Variants in SEC11C observed in about 807,000 individuals in gnomAD.
SEC11C encodes the protein signal peptidase complex catalytic subunit SEC11C.
Under a neutral mutation model 21.9 loss-of-function variants are expected in SEC11C, and 10 were observed. That is an observed-to-expected ratio of 0.46 (90% CI 0.28 to 0.77). The LOEUF is 0.77. SEC11C is among the 30% of genes least tolerant of loss of function. SEC11C has a pLI of 0.12. For synonymous variants in SEC11C, 83 were observed against 85.6 expected (o/e 0.97, Z 0.17); for missense variants, 145 against 244.5 (o/e 0.59, Z 2.71).
At chr18:59,157,694 T>A in intron 5 of SEC11C, 29 bp downstream of exon 5, 1 of 1,451,632 alleles carries the variant, frequency 6.9e-7, no homozygotes, top group Non-Finnish European at 9.7e-7. Flanking sequence ...CTATATTTAT[T>A]TACTTCGTTA....
At chr18:59,157,686 A>G (rs200840196) in intron 5 of SEC11C, 21 bp downstream of exon 5, 418 of 1,503,194 alleles carry the variant, frequency 2.8e-4, no homozygotes, top group Non-Finnish European at 3.6e-4. Context: ...ATGTGTGTCT[A>G]TATTTATTTA....
chr18:59,151,288 G>T (rs2069349683), intron 2 of SEC11C, among the ~76,000 whole-genome samples: 1 of 150,638 alleles, frequency 6.6e-6, no homozygotes. Flanking sequence ...TAAGGATGAA[G>T]CCACAGATGA....
intron 1 of SEC11C, among the ~76,000 whole-genome samples, chr18:59,148,510 G>A (rs1432840992): frequency 1.3e-5 from 2 of 152,220 alleles, no homozygotes; most frequent in Non-Finnish European, 2.9e-5. Flanking sequence ...AAGCCCAGTG[G>A]GTCTAAACGC....
chr18:59,152,323 G>C (rs548257137), intron 2 of SEC11C, among the ~76,000 whole-genome samples: 2 of 152,204 alleles, frequency 1.3e-5, no homozygotes, highest in South Asian at 4.1e-4. Flanking sequence ...AAACTGCAGA[G>C]GGTCCTGTCA....
chr18:59,140,579 A>G (rs2069198312), intron 1 of SEC11C, among the ~76,000 whole-genome samples: 1 of 152,198 alleles, frequency 6.6e-6, no homozygotes, highest in South Asian at 2.1e-4. Flanking sequence ...CCTTGTGCCT[A>G]GAGAGCTCAC....
chr18:59,157,426 G>A (rs959263776), intron 4 of SEC11C, 182 bp from the exon 5 acceptor site: 2 of 507,462 alleles, frequency 3.9e-6, no homozygotes, highest in Non-Finnish European at 7.0e-6. Flanking sequence ...CTGGCTGCCA[G>A]TGCTGATGCT....
At chr18:59,151,840 A>G (rs554369552) in intron 2 of SEC11C, among the ~76,000 whole-genome samples, 1 of 152,310 alleles carries the variant, frequency 6.6e-6, no homozygotes, top group Admixed American at 6.5e-5. Flanking sequence ...ACATATAATG[A>G]ATTTTTAAAA....
intron 1 of SEC11C, among the ~76,000 whole-genome samples, chr18:59,144,219 T>A (rs973273385): frequency 2.6e-5 from 4 of 152,214 alleles, no homozygotes; most frequent in African/African-American, 9.6e-5. Context: ...ATTATTAGAA[T>A]TAAGACTGTA....
chr18:59,142,482 C>T (rs371842667), intron 1 of SEC11C, among the ~76,000 whole-genome samples: 245 of 152,246 alleles, frequency 1.6e-3, no homozygotes, highest in African/African-American at 5.6e-3. Flanking sequence ...CATAATGAAA[C>T]AGCGGTTATT....
At chr18:59,153,816 C>T (rs2069387869) in intron 3 of SEC11C, among the ~76,000 whole-genome samples, 2 of 151,964 alleles carry the variant, frequency 1.3e-5, no homozygotes, top group East Asian at 1.9e-4. Flanking sequence ...AAGCAATTCT[C>T]CTCCCTCAGC....
At chr18:59,150,596 G>C (rs2069338449) in intron 2 of SEC11C, among the ~76,000 whole-genome samples, 2 of 152,250 alleles carry the variant, frequency 1.3e-5, no homozygotes, top group South Asian at 4.1e-4. Context: ...TGGGGTTGGG[G>C]TGGGTAGATT....
Position 59,140,009 on chromosome 18 carries a change from G to C in SEC11C, c.61G>C (p.Asp21His). 1.4e-5 allele frequency: 22 copies of C among 1,592,038 alleles called. No homozygotes were observed. The highest frequency in any genetic ancestry group is 1.9e-5 in the Non-Finnish European group (22 of 1,166,734). ...CGCGTCCGGCTTGGATATCTTCGGG[G>C]ACCTGAAGAAGATGAACAAGCGCCA... ...LPASGLDIFG[D>H]LKKMNKRQLY... Residue 21 changes from aspartate to histidine, a missense_variant, in exon 1 of 6, where the codon GAC (aspartate) becomes CAC (histidine). By Grantham distance (81) the Asp-to-His change is moderately conservative. Coordinates refer to ENST00000587834, the MANE Select transcript of SEC11C (RefSeq NM_033280.4).
chr18:59,152,434 C>A, intron 2 of SEC11C, 102 bp from the exon 3 acceptor site: 2 of 1,319,186 alleles, frequency 1.5e-6, no homozygotes, highest in Non-Finnish European at 2.0e-6. Flanking sequence ...TTTTATAGCT[C>A]CTGAGACCTA....
At chr18:59,151,392 G>A (rs1410330513) in intron 2 of SEC11C, among the ~76,000 whole-genome samples, 1 of 151,870 alleles carries the variant, frequency 6.6e-6, no homozygotes, top group Non-Finnish European at 1.5e-5. Context: ...TCATATTGTG[G>A]GGAGGAAAAA....
rs1010021066 is a variant in SEC11C, at chr18:59,157,447, A to G, written c.468-161A>G. The stretch of plus-strand genomic sequence containing the variant: ...GCCAGTGCTGATGCTCCTTACTAAT[A>G]AAGCTGTTTGAGACAGGGCTGAATA... On this transcript the variant is annotated intron_variant, in intron 4 of 5. Transcript: ENST00000587834. 31 of 576,750 alleles carry G rather than the reference A, an allele frequency of 5.4e-5. No homozygotes were observed. The African/African-American group carries it at 5.6e-4, about 10-fold the overall frequency. The allele number at this position is 576,750 out of a possible 1,614,324, so 35.7% of individuals were successfully genotyped here.
chr18:59,148,254 G>T (rs957385841), intron 1 of SEC11C, among the ~76,000 whole-genome samples: 3 of 152,212 alleles, frequency 2.0e-5, no homozygotes, highest in Non-Finnish European at 4.4e-5. Flanking sequence ...CCTGGAGGGC[G>T]GTGCTGGCAA....
chr18:59,150,020 A>G (rs770867665), intron 2 of SEC11C, among the ~76,000 whole-genome samples: 28 of 152,166 alleles, frequency 1.8e-4, no homozygotes, highest in Non-Finnish European at 4.0e-4. Context: ...CATTGTGTCT[A>G]GTATTTTTTT....
rs139327675 is a variant in SEC11C at position 59,157,283 on chromosome 18, T to C, written c.468-325T>C. On this transcript the variant is annotated intron_variant, in intron 4 of 5. Coordinates refer to ENST00000587834, the MANE Select transcript of SEC11C (RefSeq NM_033280.4). ...TTTTATATGGGCTATCTGAATCTTA[T>C]CTTCTAAATAAAAACTAGATTTGTG... 457 of 224,134 alleles carry C rather than the reference T, an allele frequency of 2.0e-3. 2 individuals carry two copies. Among genetic ancestry groups the C allele is most frequent in the African/African-American group, 9.9e-3 (434 of 43,972 alleles). The allele number at this position is 224,134 out of a possible 1,614,324, so 13.9% of individuals were successfully genotyped here.
At chr18:59,152,499 A>T (rs2069368872) in intron 2 of SEC11C, 37 bp from the exon 3 acceptor site, 5 of 1,545,828 alleles carry the variant, frequency 3.2e-6, no homozygotes, top group Non-Finnish European at 2.6e-6. Flanking sequence ...TTTTGGACAC[A>T]GGGTAATGCT....
Sources: allele counts gnomAD v4.1 joint callset (sites outside exome capture counted in the v4.1 genomes callset), GRCh38; gene constraint gnomAD v4.1.1; transcripts MANE v1.5; gene names NCBI Gene and HGNC (gene_info 2026-07-23, HGNC 2026-07-21).